The following PLPP7 variants were observed in gnomAD, a reference collection of about 807,000 sequenced individuals.
The protein encoded by PLPP7 is inactive phospholipid phosphatase 7.
PLPP7 carries 11 observed loss-of-function variants against 16.9 expected under a neutral mutation model. The observed-to-expected ratio is 0.65, with a 90% CI of 0.41 to 1.08. PLPP7 has a LOEUF of 1.08. Ranked by LOEUF, PLPP7 falls within the 50% of genes least tolerant of loss-of-function variation. PLPP7 has a pLI of 0.00. For missense variants in PLPP7, 358 were observed against 397.1 expected (o/e 0.90, Z 0.84); for synonymous variants, 174 against 175.1 (o/e 0.99, Z 0.05).
At chr9:131,299,633 A>G (rs1835774072) in intron 1 of PLPP7, among the ~76,000 whole-genome samples, 1 of 152,080 alleles carries the variant, frequency 6.6e-6, no homozygotes, top group Non-Finnish European at 1.5e-5. Flanking sequence ...TTCCATTCAC[A>G]ACCCTCCCGG....
In PLPP7 at chr9:131,290,220, C is replaced by G. The variant is rs1337499678; in HGVS notation, c.223C>G (p.Pro75Ala). 31 of 1,607,798 alleles carry G rather than the reference C, an allele frequency of 1.9e-5. No individual in the cohort carries two copies. Among genetic ancestry groups the G allele is most frequent in the Non-Finnish European group, 2.4e-5 (28 of 1,176,664 alleles). The part of the protein sequence containing the change: ...LPEEDCMQLN[P>A]SFKGIAFNSL... ...AGAGGAGGACTGCATGCAGCTGAAC[C>G]CCTCCTTCAAGGGCATCGCCTTCAA... Residue 75 changes from proline to alanine, a missense_variant, in exon 1 of 2, where the codon CCC (proline) becomes GCC (alanine). Coordinates refer to ENST00000372264, the MANE Select transcript of PLPP7 (RefSeq NM_032728.4). The surrounding 1 kb of genome is among the most constrained non-coding windows in gnomAD (Gnocchi z 4.2).
intron 1 of PLPP7, among the ~76,000 whole-genome samples, chr9:131,305,434 G>A (rs1442416767): frequency 6.8e-6 from 1 of 146,078 alleles, no homozygotes; most frequent in Non-Finnish European, 1.5e-5. Flanking sequence ...CACACTTGTA[G>A]TCTCGGTGGC....
At chr9:131,291,742 C>T (rs1174245583) in intron 1 of PLPP7, among the ~76,000 whole-genome samples, 1 of 151,988 alleles carries the variant, frequency 6.6e-6, no homozygotes, top group African/African-American at 2.4e-5. Context: ...CCACCACACC[C>T]AGCTAATTTT....
intron 1 of PLPP7, among the ~76,000 whole-genome samples, chr9:131,304,427 G>A (rs1835831229): frequency 6.6e-6 from 1 of 152,228 alleles, no homozygotes; most frequent in Non-Finnish European, 1.5e-5. Flanking sequence ...TTGAGGTCAG[G>A]AGTTCGAGAC....
At chr9:131,304,433 G>C (rs1251127841) in intron 1 of PLPP7, among the ~76,000 whole-genome samples, 1 of 152,192 alleles carries the variant, frequency 6.6e-6, no homozygotes, top group Non-Finnish European at 1.5e-5. Context: ...TCAGGAGTTC[G>C]AGACCAGCCT....
At chr9:131,301,873 G>A (rs1040454068) in intron 1 of PLPP7, among the ~76,000 whole-genome samples, 5 of 149,950 alleles carry the variant, frequency 3.3e-5, no homozygotes, top group East Asian at 2.0e-4. Flanking sequence ...CTGGAGTGCA[G>A]TGGCGCAATC....
chr9:131,292,459 T>C (rs527531309), intron 1 of PLPP7, among the ~76,000 whole-genome samples: 8 of 152,328 alleles, frequency 5.3e-5, no homozygotes, highest in African/African-American at 1.9e-4. Flanking sequence ...TTGGTGCTGT[T>C]ATTATTCCCC....
chr9:131,293,356 T>C (rs547820016), intron 1 of PLPP7, among the ~76,000 whole-genome samples: 1 of 152,236 alleles, frequency 6.6e-6, no homozygotes, highest in South Asian at 2.1e-4. Flanking sequence ...CATGGGGACA[T>C]AGGGCCTGGC....
chr9:131,308,516 T>C lies in PLPP7; in HGVS notation c.*229T>C. 3 of 714,250 alleles carry C rather than the reference T, an allele frequency of 4.2e-6. No homozygotes were observed. Among genetic ancestry groups the C allele is most frequent in the South Asian group, 1.9e-5 (1 of 51,466 alleles). The allele number at this position is 714,250 out of a possible 1,614,324, so 44.2% of individuals were successfully genotyped here. A position where few individuals can be genotyped will look rare whatever the true frequency, so the allele number is the denominator to read the frequency against. On this transcript the variant is annotated 3_prime_UTR_variant, in exon 2 of 2. Coordinates refer to ENST00000372264, the MANE Select transcript of PLPP7 (RefSeq NM_032728.4). ...CTTGCCCCTTTGCTTGGACTCCAAG[T>C]CTCCTCTCTAGGCAGCCAGGACCCA... is the stretch of plus-strand genomic sequence containing the variant.
chr9:131,302,660 C>T (rs1835811331), intron 1 of PLPP7, among the ~76,000 whole-genome samples: 1 of 152,222 alleles, frequency 6.6e-6, no homozygotes, highest in African/African-American at 2.4e-5. Flanking sequence ...CCCCGCCCTC[C>T]TTGGGCCAGC....
chr9:131,290,180 G>C lies in PLPP7; in HGVS notation c.183G>C (p.Gln61His). The C allele has an allele frequency of 6.3e-7, 1 of 1,587,084 alleles. No homozygotes were observed. The highest frequency in any genetic ancestry group is 8.6e-7 in the Non-Finnish European group (1 of 1,163,420). Residue 61 changes from glutamine (Q) to histidine (H), a missense_variant, in exon 1 of 2, where the codon CAG becomes CAC. Coordinates refer to ENST00000372264, the MANE Select transcript of PLPP7 (RefSeq NM_032728.4). The surrounding 1 kb of genome is among the most constrained non-coding windows in gnomAD (Gnocchi z 4.2). ...PAGDGARERRQSQQLPEEDCM... is the reference protein window; with the variant it reads ...PAGDGARERRHSQQLPEEDCM... The stretch of plus-strand genomic sequence containing the variant: ...GTGACGGGGCCAGAGAGCGACGCCA[G>C]TCACAGCAGCTGCCAGAGGAGGACT...
At chr9:131,292,721 G>A (rs1190491808) in intron 1 of PLPP7, 8 of 880,298 alleles carry the variant, frequency 9.1e-6, no homozygotes, top group African/African-American at 7.3e-5. Flanking sequence ...CCCCGTGGTA[G>A]GAGGTATGCA....
chr9:131,300,270 A>C (rs534777059), intron 1 of PLPP7, among the ~76,000 whole-genome samples: 70 of 152,286 alleles, frequency 4.6e-4, no homozygotes, highest in African/African-American at 1.7e-3. Flanking sequence ...TCCATTCATA[A>C]AGGGAGAGCC....
At chr9:131,300,689 GAAA>G (rs1165239833) in intron 1 of PLPP7, among the ~76,000 whole-genome samples, 3 of 40,378 alleles carry the variant, frequency 7.4e-5, no homozygotes, top group African/African-American at 2.6e-4. Flanking sequence ...CTCAAAAGCA[GAAA>G]AAAAAAAAAA....
At position 131,290,851 on chromosome 9, in the gene PLPP7, G is replaced by A. The variant is rs563116506; in HGVS notation, c.451+403G>A. Reference sequence around the variant, plus strand: ...CTCCTGCCCCACGGCTGAGGTCCTCGCTCCTTGACAGCTCCCAGCCAGGCT... The same window carrying A: ...CTCCTGCCCCACGGCTGAGGTCCTCACTCCTTGACAGCTCCCAGCCAGGCT... On this transcript the variant is annotated intron_variant, in intron 1 of 1. Transcript: ENST00000372264. This position sits in a 1 kb window ranked among gnomAD's most constrained non-coding sequence, Gnocchi z 4.2. Among the ~76,000 whole-genome samples the A allele has an allele frequency of 1.2e-4, 19 of 152,212 alleles. No homozygotes were observed. Among genetic ancestry groups the A allele is most frequent in the East Asian group, 5.8e-4 (3 of 5,164 alleles).
At chr9:131,300,930 C>T (rs1026147454) in intron 1 of PLPP7, among the ~76,000 whole-genome samples, 7 of 151,918 alleles carry the variant, frequency 4.6e-5, no homozygotes, top group Non-Finnish European at 7.4e-5. Context: ...TCCATTAGGG[C>T]CCTGTGCTGG....
At chr9:131,297,575 G>A (rs1025305995) in intron 1 of PLPP7, among the ~76,000 whole-genome samples, 5 of 152,024 alleles carry the variant, frequency 3.3e-5, no homozygotes, top group Non-Finnish European at 5.9e-5. Flanking sequence ...TAGTAGAGAC[G>A]GGGTTTCACC....
rs527364092 is a variant in PLPP7 at position 131,301,558 on chromosome 9, C to T, written c.452-6365C>T. On this transcript the variant is annotated intron_variant, in intron 1 of 1. Coordinates refer to ENST00000372264, the MANE Select transcript of PLPP7 (RefSeq NM_032728.4). ...GGTGGTGGAGGTCTTGGAACCTGGG[C>T]CAGACAATTTTGACCCTGGTGGGAC... 2.1e-4 allele frequency among the ~76,000 whole-genome samples: 32 copies of T among 152,320 alleles called. 1 individual carries two copies. In the South Asian group the frequency reaches 6.2e-3, roughly 30 times the overall value.
Position 131,301,813 on chromosome 9 carries a change from CT to C in PLPP7, c.452-6089del, listed in dbSNP as rs59151233. ...GCGCTGAGAGGGGAAGGAACTTGTT[CT>C]TTTTTTTTTTTTTTTTTTTTGAGAC... On this transcript the variant is annotated intron_variant, in intron 1 of 1. Transcript: ENST00000372264. Among the ~76,000 whole-genome samples the C allele has an allele frequency of 7.7e-3, 885 of 114,706 alleles. 11 individuals are homozygous for C. The highest frequency in any genetic ancestry group is 0.026 in the African/African-American group (824 of 31,550). 75.3% of individuals were successfully genotyped at this position (114,706 alleles called of 152,430 possible). A position where few individuals can be genotyped will look rare whatever the true frequency, so the allele number is the denominator to read the frequency against.
Sources: gnomAD v4.1 joint callset for allele counts (sites outside exome capture counted in the v4.1 genomes callset) on GRCh38, gnomAD v4.1.1 for gene constraint, Gnocchi (gnomAD v3.1) non-coding constraint, MANE v1.5 for transcripts, NCBI Gene and HGNC (gene_info 2026-07-23, HGNC 2026-07-21) for gene names.